MOSPD2: variants seen among roughly 807,000 people sequenced by gnomAD.
The protein encoded by MOSPD2 is motile sperm domain containing 2, also known as motile sperm domain-containing protein 2.
MOSPD2 carries 5 observed loss-of-function variants against 41.7 expected under a neutral mutation model. That is an observed-to-expected ratio of 0.12 (90% CI 0.06 to 0.25). The LOEUF is 0.25. MOSPD2 is among the 10% of genes least tolerant of loss of function. The pLI, the probability that MOSPD2 is intolerant of heterozygous loss-of-function variation, is 1.00. For missense variants in MOSPD2, 282 were observed against 375.2 expected, an observed-to-expected ratio of 0.75 and a Z score of 2.05; for synonymous variants, 115 against 126.9, an observed-to-expected ratio of 0.91 and a Z score of 0.63.
chrX:14,897,324 G>C (rs2092564778), intron 5 of MOSPD2, 86 bp downstream of exon 5: 2 of 785,643 alleles, frequency 2.5e-6, no homozygotes, highest in Non-Finnish European at 3.6e-6. Context: ...ACATATTGCT[G>C]TAAAATTGAG....
At chrX:14,876,132 G>A (rs1227286469) in intron 2 of MOSPD2, among the ~76,000 whole-genome samples, 1 of 112,262 alleles carries the variant, frequency 8.9e-6, no homozygotes, top group Non-Finnish European at 1.9e-5. Flanking sequence ...GGTTTCAGTT[G>A]TTTCCTGGAA....
At chrX:14,915,085 A>G (rs928832901) in intron 11 of MOSPD2, among the ~76,000 whole-genome samples, 1 of 111,676 alleles carries the variant, frequency 9.0e-6, no homozygotes, top group African/African-American at 3.3e-5. Context: ...TAAATCTTCT[A>G]TTTAATTTAG....
chrX:14,874,725 T>C (rs959887284), intron 2 of MOSPD2, among the ~76,000 whole-genome samples: 9 of 111,829 alleles, frequency 8.0e-5, no homozygotes, highest in Admixed American at 1.9e-4. Context: ...CCATCCTAGA[T>C]TATACATCAG....
chrX:14,908,603 C>T (rs918803902), intron 7 of MOSPD2, among the ~76,000 whole-genome samples: 3 of 111,319 alleles, frequency 2.7e-5, no homozygotes, highest in African/African-American at 9.8e-5. Flanking sequence ...AGGCCAAAAC[C>T]CTGATAAGTT....
chrX:14,911,191 C>T, intron 8 of MOSPD2, 46 bp from the exon 9 acceptor site: 5 of 1,075,206 alleles, frequency 4.7e-6, no homozygotes, highest in Non-Finnish European at 6.3e-6. Context: ...AGAGTTATTT[C>T]TCTACCCACC....
intron 14 of MOSPD2, 126 bp downstream of exon 14, chrX:14,918,908 G>A: frequency 2.1e-6 from 1 of 483,188 alleles, no homozygotes; most frequent in Non-Finnish European, 3.6e-6. Flanking sequence ...TGTCTTCTTT[G>A]TGAAGAGATG....
chrX:14,902,221 C>T (rs1033315301), intron 6 of MOSPD2, among the ~76,000 whole-genome samples: 5 of 111,236 alleles, frequency 4.5e-5, no homozygotes, highest in Non-Finnish European at 7.5e-5. Flanking sequence ...TACATTAATG[C>T]AACAACTCTA....
rs1351814225 is a variant in MOSPD2, at chrX:14,918,786, A to C, written c.1419+4A>C. On this transcript the variant is annotated splice_donor_region_variant and intron_variant, in intron 14 of 14. Coordinates refer to ENST00000380492, the MANE Select transcript of MOSPD2 (RefSeq NM_152581.4). Reference sequence around the variant, plus strand: ...CAGTGAAGATATATGTCTACAAGTAAGTATACTTTCTTCCTACCCAAACAA... The same window carrying C: ...CAGTGAAGATATATGTCTACAAGTACGTATACTTTCTTCCTACCCAAACAA... 2 of 1,094,071 alleles carry C rather than the reference A, an allele frequency of 1.8e-6. No homozygotes were observed. Among genetic ancestry groups the C allele is most frequent in the South Asian group, 3.8e-5 (2 of 52,869 alleles). The allele number at this position is 1,094,071 out of a possible 1,213,427, so 90.2% of individuals were successfully genotyped here. A position where few individuals can be genotyped will look rare whatever the true frequency, so the allele number is the denominator to read the frequency against.
intron 2 of MOSPD2, 55 bp downstream of exon 2, chrX:14,873,813 T>A (rs1036027213): frequency 3.0e-6 from 3 of 1,009,597 alleles, no homozygotes; most frequent in Admixed American, 4.4e-5. Context: ...TCCCCAACTT[T>A]GCTGGAGTGT....
intron 13 of MOSPD2, among the ~76,000 whole-genome samples, chrX:14,917,190 G>A (rs929136295): frequency 1.8e-5 from 2 of 112,167 alleles, no homozygotes; most frequent in Non-Finnish European, 3.8e-5. Flanking sequence ...TCGAGGTGGA[G>A]AAATCCTGCT....
At chrX:14,919,497 T>C (rs1350009695) in intron 14 of MOSPD2, among the ~76,000 whole-genome samples, 175 bp from the exon 15 acceptor site, 1 of 111,937 alleles carries the variant, frequency 8.9e-6, no homozygotes. Flanking sequence ...CATAGACATA[T>C]CTGTCCACCA....
intron 2 of MOSPD2, among the ~76,000 whole-genome samples, chrX:14,890,663 C>T (rs911472977): frequency 9.0e-6 from 1 of 111,280 alleles, no homozygotes; most frequent in Non-Finnish European, 1.9e-5. Flanking sequence ...CTTTTTCATC[C>T]GATCCTCACA....
At chrX:14,890,542 C>G (rs2092551759) in intron 2 of MOSPD2, among the ~76,000 whole-genome samples, 1 of 111,678 alleles carries the variant, frequency 9.0e-6, no homozygotes, top group Non-Finnish European at 1.9e-5. Flanking sequence ...ATATCCAAAG[C>G]AGCACTCTTA....
chrX:14,886,553 G>A lies in MOSPD2; in HGVS notation c.80-6170G>A, dbSNP rs1185673707. Among the ~76,000 whole-genome samples the A allele has an allele frequency of 3.8e-5, 4 of 104,486 alleles. No individual in the cohort carries two copies. The East Asian group carries it at 1.2e-3, about 30-fold the overall frequency. The allele number at this position is 104,486 out of a possible 115,157, so 90.7% of individuals were successfully genotyped here. Reference sequence around the variant, plus strand: ...CACATGCACGCACACACACGAGAGAGAGAGAGAGAGAGAGAGAGAAATCAG... The same window carrying A: ...CACATGCACGCACACACACGAGAGAAAGAGAGAGAGAGAGAGAGAAATCAG... On this transcript the variant is annotated intron_variant, in intron 2 of 14. Coordinates refer to ENST00000380492, the MANE Select transcript of MOSPD2 (RefSeq NM_152581.4).
chrX:14,919,546 A>G, intron 14 of MOSPD2, 126 bp from the exon 15 acceptor site: 1 of 508,894 alleles, frequency 2.0e-6, no homozygotes, highest in East Asian at 3.5e-5. Flanking sequence ...ACCTCCTTCC[A>G]CCAGCCTTAC....
intron 10 of MOSPD2, among the ~76,000 whole-genome samples, chrX:14,913,865 T>A (rs930822397): frequency 1.8e-5 from 2 of 111,089 alleles, no homozygotes; most frequent in Admixed American, 1.9e-4. Context: ...ATCTTTTAAA[T>A]TTTTTTTTAG....
chrX:14,919,575 C>T, intron 14 of MOSPD2, 97 bp from the exon 15 acceptor site: 1 of 669,270 alleles, frequency 1.5e-6, no homozygotes, highest in South Asian at 2.8e-5. Context: ...GGGCCCCATC[C>T]TTTCAGTGTT....
intron 7 of MOSPD2, among the ~76,000 whole-genome samples, chrX:14,904,524 C>T (rs2092578578): frequency 9.0e-6 from 1 of 111,663 alleles, no homozygotes; most frequent in African/African-American, 3.3e-5. Context: ...CCATTTCTGA[C>T]ACAAACTGCA....
At chrX:14,907,467 G>C (rs769323604) in intron 7 of MOSPD2, among the ~76,000 whole-genome samples, 3 of 112,314 alleles carry the variant, frequency 2.7e-5, no homozygotes, top group Non-Finnish European at 3.8e-5. Flanking sequence ...ATATTCATCA[G>C]TTGCTGAATG....
Sources: allele counts gnomAD v4.1 joint callset (sites outside exome capture counted in the v4.1 genomes callset), GRCh38; gene constraint gnomAD v4.1.1; transcripts MANE v1.5; gene names NCBI Gene and HGNC (gene_info 2026-07-23, HGNC 2026-07-21).